Variants in NRXN1 observed in about 807,000 individuals in gnomAD.
The protein encoded by NRXN1 is neurexin-1.
Under a neutral mutation model 150.9 loss-of-function variants are expected in NRXN1, and 39 were observed. The observed-to-expected ratio is 0.26, with a 90% confidence interval of 0.20 to 0.34. NRXN1 has a LOEUF of 0.34. NRXN1 is among the 10% of genes least tolerant of loss of function. NRXN1 has a pLI of 1.00. For missense variants in NRXN1, 1,815 were observed against 1,949.9 expected (o/e 0.93, Z 1.30); for synonymous variants, 924 against 757.0 (o/e 1.22, Z -3.62).
chr2:50,795,478 T>C (rs1334416416), intron 5 of NRXN1, among the ~76,000 whole-genome samples: 1 of 152,060 alleles, frequency 6.6e-6, no homozygotes, highest in African/African-American at 2.4e-5. Flanking sequence ...TTGCATTTTC[T>C]TTCCTTCTTT....
chr2:50,606,480 A>C (rs965787488), intron 8 of NRXN1, among the ~76,000 whole-genome samples: 1 of 151,656 alleles, frequency 6.6e-6, no homozygotes, highest in Admixed American at 6.6e-5. Context: ...ATAATTATAA[A>C]ATTTCATTAT....
intron 17 of NRXN1, among the ~76,000 whole-genome samples, chr2:50,369,482 A>G (rs2153018037): frequency 6.6e-6 from 1 of 152,068 alleles, no homozygotes; most frequent in Non-Finnish European, 1.5e-5. Context: ...CAAATCCTAT[A>G]TTTCCAAATA....
At chr2:50,864,114 G>A (rs1480959833) in intron 5 of NRXN1, among the ~76,000 whole-genome samples, 2 of 151,916 alleles carry the variant, frequency 1.3e-5, no homozygotes, top group Non-Finnish European at 2.9e-5. Context: ...AGGTTCCTTT[G>A]GGAAAAAAGT....
At chr2:50,418,789 TA>T (rs1207507430) in intron 17 of NRXN1, among the ~76,000 whole-genome samples, 1 of 152,024 alleles carries the variant, frequency 6.6e-6, no homozygotes, top group East Asian at 1.9e-4. Flanking sequence ...TATTTTTAAA[TA>T]CCTTAGATGC....
At chr2:50,459,879 T>C (rs1235418296) in intron 17 of NRXN1, among the ~76,000 whole-genome samples, 1 of 152,128 alleles carries the variant, frequency 6.6e-6, no homozygotes, top group Non-Finnish European at 1.5e-5. Flanking sequence ...TGTCAACAGT[T>C]AGCACCTCTG....
intron 18 of NRXN1, among the ~76,000 whole-genome samples, chr2:50,180,635 G>T (rs1039359078): frequency 1.3e-5 from 2 of 152,098 alleles, no homozygotes; most frequent in African/African-American, 4.8e-5. Flanking sequence ...CCCTCTGGGG[G>T]ATACAGCACT....
chr2:50,076,786 A>T (rs1029558844), intron 19 of NRXN1, among the ~76,000 whole-genome samples: 1 of 152,190 alleles, frequency 6.6e-6, no homozygotes, highest in African/African-American at 2.4e-5. Context: ...ACCAGCAGAC[A>T]GGAAGAACAC....
chr2:50,827,468 G>A (rs1670611044), intron 5 of NRXN1, among the ~76,000 whole-genome samples: 1 of 152,126 alleles, frequency 6.6e-6, no homozygotes, highest in Non-Finnish European at 1.5e-5. Flanking sequence ...AGCAATACAT[G>A]TGACCCTCTG....
chr2:50,809,826 T>A (rs975501041), intron 5 of NRXN1, among the ~76,000 whole-genome samples: 2 of 152,208 alleles, frequency 1.3e-5, no homozygotes, highest in East Asian at 3.8e-4. Context: ...CCACCTCTCA[T>A]GAGTTGAATC....
intron 5 of NRXN1, among the ~76,000 whole-genome samples, chr2:50,738,651 C>T (rs767540788): frequency 5.9e-5 from 9 of 152,042 alleles, no homozygotes; most frequent in Non-Finnish European, 1.0e-4. Flanking sequence ...ATTGGCAATC[C>T]GATAAAACCT....
intron 17 of NRXN1, among the ~76,000 whole-genome samples, chr2:50,298,527 A>AT (rs5831109): frequency 3.4e-4 from 51 of 150,374 alleles, no homozygotes; most frequent in Middle Eastern, 3.4e-3. Flanking sequence ...AAATTTACAG[A>AT]TTTTTTTTTT....
intron 5 of NRXN1, among the ~76,000 whole-genome samples, chr2:50,803,343 A>T (rs551122154): frequency 1.3e-5 from 2 of 152,190 alleles, no homozygotes; most frequent in Non-Finnish European, 2.9e-5. Flanking sequence ...ATTACAGAGA[A>T]GACTGGAGGA....
chr2:50,030,608 C>T (rs189082275), intron 21 of NRXN1, among the ~76,000 whole-genome samples: 298 of 152,210 alleles, frequency 2.0e-3, no homozygotes, highest in Non-Finnish European at 3.8e-3. Flanking sequence ...ATTGCAATAG[C>T]CTTGATTAAA....
At chr2:50,643,717 A>G (rs1334411938) in intron 5 of NRXN1, among the ~76,000 whole-genome samples, 1 of 151,904 alleles carries the variant, frequency 6.6e-6, no homozygotes, top group Non-Finnish European at 1.5e-5. Flanking sequence ...ATGTACTTAC[A>G]TCGATTTCTA....
chr2:50,424,908 C>A (rs1269437762), intron 17 of NRXN1, among the ~76,000 whole-genome samples: 3 of 152,114 alleles, frequency 2.0e-5, no homozygotes, highest in Non-Finnish European at 4.4e-5. Context: ...AAATAAGAAG[C>A]ATCCCTTTCT....
intron 19 of NRXN1, among the ~76,000 whole-genome samples, chr2:50,064,462 T>C (rs1179840530): frequency 6.6e-6 from 1 of 151,616 alleles, no homozygotes; most frequent in East Asian, 1.9e-4. Flanking sequence ...TGTAGAGAGC[T>C]GATCATGACA....
At chr2:50,121,853 C>T (rs1201863497) in intron 18 of NRXN1, among the ~76,000 whole-genome samples, 1 of 152,112 alleles carries the variant, frequency 6.6e-6, no homozygotes, top group Non-Finnish European at 1.5e-5. Context: ...GAACTTTCCT[C>T]AAGATGACTA....
chr2:50,711,291 T>C (rs200837065), intron 5 of NRXN1, among the ~76,000 whole-genome samples: 1 of 116,900 alleles, frequency 8.6e-6, no homozygotes, highest in Non-Finnish European at 1.7e-5. Flanking sequence ...CACTTTCATC[T>C]GTTTAGGTGA....
At chr2:50,644,055 C>T (rs774199763) in intron 5 of NRXN1, among the ~76,000 whole-genome samples, 3 of 150,770 alleles carry the variant, frequency 2.0e-5, no homozygotes, top group Non-Finnish European at 4.4e-5. Context: ...TGCTTTGTAC[C>T]CTTCCCTAAA....
Sources: allele counts gnomAD v4.1 joint callset (sites outside exome capture counted in the v4.1 genomes callset), GRCh38; gene constraint gnomAD v4.1.1; transcripts MANE v1.5; gene names NCBI Gene and HGNC (gene_info 2026-07-23, HGNC 2026-07-21).